NALCN: variants seen among roughly 807,000 people sequenced by gnomAD.
NALCN encodes sodium leak channel, non-selective.
A neutral mutation model predicts 225.3 loss-of-function variants in NALCN; 111 were observed. The observed-to-expected ratio is 0.49, with a 90% CI of 0.42 to 0.58. NALCN has a LOEUF of 0.58. Ranked by LOEUF, NALCN falls within the 20% of genes least tolerant of loss-of-function variation. The pLI is 0.00. For synonymous variants in NALCN, 764 were observed against 769.0 expected (o/e 0.99, Z 0.11); for missense variants, 1,378 against 2,202.4 (o/e 0.63, Z 7.49).
rs552534109 is a variant in NALCN at position 101,410,901 on chromosome 13, G to C, written c.-40+5412C>G. 2.0e-5 allele frequency among the ~76,000 whole-genome samples: 3 copies of C among 152,260 alleles called. No individual in the cohort carries two copies. The South Asian group carries it at 6.2e-4, about 32-fold the overall frequency. On this transcript the variant is annotated intron_variant, in intron 1 of 43. Transcript: ENST00000251127. ...TTCATTCTCTTCCTTCCATCACTAA[G>C]ACGTGGTAGCATTAGTTTTTGTGGA...
intron 18 of NALCN, among the ~76,000 whole-genome samples, chr13:101,113,576 A>G (rs1448711978): frequency 6.6e-6 from 1 of 152,230 alleles, no homozygotes; most frequent in Non-Finnish European, 1.5e-5. Context: ...AGCATGGTAA[A>G]AGTTTGCTTT....
At chr13:101,132,569 C>G (rs1259108113) in intron 17 of NALCN, among the ~76,000 whole-genome samples, 1 of 152,042 alleles carries the variant, frequency 6.6e-6, no homozygotes, top group Non-Finnish European at 1.5e-5. Context: ...GTGATATATA[C>G]ATATTTTAAA....
intron 14 of NALCN, among the ~76,000 whole-genome samples, chr13:101,183,447 A>G (rs746502993): frequency 2.6e-4 from 40 of 152,052 alleles, no homozygotes; most frequent in Non-Finnish European, 5.1e-4. Flanking sequence ...GATTTATGTG[A>G]TATTTCTATT....
At chr13:101,377,789 T>G (rs1025106250) in intron 4 of NALCN, among the ~76,000 whole-genome samples, 1 of 152,160 alleles carries the variant, frequency 6.6e-6, no homozygotes, top group Non-Finnish European at 1.5e-5. Context: ...ATTAAAACAG[T>G]AGATTTCATG....
chr13:101,170,480 T>C (rs1016085241), intron 15 of NALCN, among the ~76,000 whole-genome samples: 2 of 152,190 alleles, frequency 1.3e-5, no homozygotes, highest in Non-Finnish European at 2.9e-5. Flanking sequence ...CCAGAAACAA[T>C]GTTTTACCAG....
chr13:101,140,948 A>G (rs1172319975), intron 17 of NALCN, among the ~76,000 whole-genome samples: 1 of 152,226 alleles, frequency 6.6e-6, no homozygotes, highest in African/African-American at 2.4e-5. Context: ...AAAAATAAAA[A>G]TAAAAGATAA....
At position 101,236,512 on chromosome 13, in the gene NALCN, C is replaced by T. The variant is rs188810677; in HGVS notation, c.1434+1243G>A. Among the ~76,000 whole-genome samples, 93 of 152,100 alleles carry T rather than the reference C, an allele frequency of 6.1e-4. 2 individuals carry two copies. In the East Asian group the frequency reaches 0.017, roughly 27 times the overall value. On this transcript the variant is annotated intron_variant, in intron 12 of 43. Coordinates refer to ENST00000251127, the MANE Select transcript of NALCN (RefSeq NM_052867.4). ...ACAATAGGAAAGACTTGGAACCAAC[C>T]CAAATGTCCAACAATGATAGACTGG...
chr13:101,208,320 G>A (rs1270742386), intron 13 of NALCN, among the ~76,000 whole-genome samples: 1 of 152,094 alleles, frequency 6.6e-6, no homozygotes, highest in African/African-American at 2.4e-5. Flanking sequence ...GAACCCACCA[G>A]AAGGCAGAAA....
intron 1 of NALCN, among the ~76,000 whole-genome samples, chr13:101,411,752 C>T (rs1034073450): frequency 9.9e-5 from 15 of 152,088 alleles, no homozygotes; most frequent in Admixed American, 2.0e-4. Context: ...TATGACTTTA[C>T]GGTCTTTTTT....
At chr13:101,199,483 G>A (rs969402583) in intron 13 of NALCN, among the ~76,000 whole-genome samples, 2 of 151,582 alleles carry the variant, frequency 1.3e-5, no homozygotes, top group Non-Finnish European at 2.9e-5. Context: ...AAAATGATGA[G>A]TTCATGTCCT....
rs1303712213 is a variant in NALCN at position 101,055,089 on chromosome 13, C to G, written c.*206G>C. ...TAATATTATCAGTACTGTCATTATA[C>G]AAAAATTTTTTTGAGCAATGATTGA... On this transcript the variant is annotated 3_prime_UTR_variant, in exon 44 of 44. Coordinates refer to ENST00000251127, the MANE Select transcript of NALCN (RefSeq NM_052867.4). The G allele has an allele frequency of 1.8e-6, 1 of 554,156 alleles. No homozygotes were observed. Among genetic ancestry groups the G allele is most frequent in the African/African-American group, 1.9e-5 (1 of 52,890 alleles). 34.3% of individuals were successfully genotyped at this position (554,156 alleles called of 1,614,324 possible).
intron 3 of NALCN, among the ~76,000 whole-genome samples, chr13:101,379,135 A>T (rs956809405): frequency 1.3e-5 from 2 of 152,236 alleles, no homozygotes; most frequent in Non-Finnish European, 2.9e-5. Context: ...ATCACTGGTC[A>T]TTAGAGAAAT....
At chr13:101,272,350 G>C (rs536388910) in intron 10 of NALCN, among the ~76,000 whole-genome samples, 39 of 152,328 alleles carry the variant, frequency 2.6e-4, no homozygotes, top group Admixed American at 5.2e-4. Flanking sequence ...TAAGGGGAGA[G>C]TAAGAATTTG....
Position 101,104,834 on chromosome 13 carries a change from G to T in NALCN, c.2636+60C>A, listed in dbSNP as rs142880429. Reference sequence around the variant, plus strand: ...AAGAGAATTTTAATCGTTGTATGCAGCATAAAATAGTACATGAAAACTTTA... The same window carrying T: ...AAGAGAATTTTAATCGTTGTATGCATCATAAAATAGTACATGAAAACTTTA... On this transcript the variant is annotated intron_variant, in intron 23 of 43. Transcript: ENST00000251127. This position sits in a 1 kb window ranked among gnomAD's most constrained non-coding sequence, Gnocchi z 4.2. The T allele has an allele frequency of 6.2e-3, 9,762 of 1,582,152 alleles. 54 individuals are homozygous for T. The highest frequency in any genetic ancestry group is 7.7e-3 in the Non-Finnish European group (8,834 of 1,151,534).
chr13:101,400,541 T>C (rs947357208), intron 1 of NALCN, among the ~76,000 whole-genome samples: 2 of 134,952 alleles, frequency 1.5e-5, no homozygotes, highest in African/African-American at 2.8e-5. Context: ...AGAACATGTT[T>C]GCAGTGTGTG....
intron 17 of NALCN, among the ~76,000 whole-genome samples, chr13:101,126,638 G>A (rs571093658): frequency 1.8e-4 from 28 of 152,042 alleles, no homozygotes; most frequent in African/African-American, 6.5e-4. Flanking sequence ...GACTACAGGT[G>A]CCCGCCACCA....
intron 3 of NALCN, among the ~76,000 whole-genome samples, chr13:101,379,262 TTGG>T (rs1455229886): frequency 6.6e-6 from 1 of 152,136 alleles, no homozygotes; most frequent in Non-Finnish European, 1.5e-5. Flanking sequence ...TTTTACACTG[TTGG>T]TGGGAGTGTA....
chr13:101,185,628 G>C lies in NALCN; in HGVS notation c.1764+6289C>G, dbSNP rs74406147. Among the ~76,000 whole-genome samples, 1,198 of 152,308 alleles carry C rather than the reference G, an allele frequency of 7.9e-3. 11 individuals carry two copies. The highest frequency in any genetic ancestry group is 0.027 in the African/African-American group (1,135 of 41,568). ...GGCGGAAGAGAGAGATGTTTGAAAGGGACAATACATGGAGGTTATGAATAT... is the reference window on the plus strand; with the variant it reads ...GGCGGAAGAGAGAGATGTTTGAAAGCGACAATACATGGAGGTTATGAATAT... On this transcript the variant is annotated intron_variant, in intron 14 of 43. Transcript: ENST00000251127.
intron 7 of NALCN, among the ~76,000 whole-genome samples, chr13:101,321,561 C>G (rs1398695221): frequency 6.6e-6 from 1 of 152,010 alleles, no homozygotes; most frequent in Non-Finnish European, 1.5e-5. Flanking sequence ...ATTCTATTTT[C>G]AAATACAGAA....
Sources: gnomAD v4.1 joint callset for allele counts (sites outside exome capture counted in the v4.1 genomes callset) on GRCh38, gnomAD v4.1.1 for gene constraint, Gnocchi (gnomAD v3.1) non-coding constraint, MANE v1.5 for transcripts, NCBI Gene and HGNC (gene_info 2026-07-23, HGNC 2026-07-21) for gene names.